Variants in SPARC observed in about 807,000 individuals in gnomAD.
SPARC encodes the protein secreted protein acidic and cysteine rich.
A neutral mutation model predicts 37.7 loss-of-function variants in SPARC; 23 were observed. The ratio of observed to expected loss-of-function variants is 0.61; its 90% CI spans 0.44 to 0.87. SPARC has a LOEUF of 0.87. SPARC is among the 40% of genes least tolerant of loss of function. The pLI is 0.00. For missense variants in SPARC, 312 were observed against 389.0 expected (o/e 0.80, Z 1.66); for synonymous variants, 155 against 150.8 (o/e 1.03, Z -0.20).
chr5:151,667,519 A>G lies in SPARC; in HGVS notation c.533T>C (p.Leu178Pro), dbSNP rs1760651137. Reference sequence around the variant, plus strand: ...GTTGTTGTCCTCATCCCTCTCATACAGGGTGACCAGGACGTTCTTGAGCCA... The same window carrying G: ...GTTGTTGTCCTCATCCCTCTCATACGGGGTGACCAGGACGTTCTTGAGCCA... ...RDWLKNVLVT[L>P]YERDEDNNLL... The change falls in exon 7 of 10, where the codon CTG (leucine) becomes CCG (proline). Residue 178 changes from leucine (L) to proline (P), a missense_variant. Coordinates refer to ENST00000231061, the MANE Select transcript of SPARC (RefSeq NM_003118.4). 1 of 1,614,192 alleles carries G rather than the reference A, an allele frequency of 6.2e-7. No individual in the cohort carries two copies. Among genetic ancestry groups the G allele is most frequent in the East Asian group, 2.2e-5 (1 of 44,888 alleles).
chr5:151,668,846 C>T (rs1033611696), intron 6 of SPARC, among the ~76,000 whole-genome samples: 24 of 152,162 alleles, frequency 1.6e-4, no homozygotes, highest in South Asian at 6.2e-4. Context: ...TGGGGTCCCA[C>T]GAGGAGAACT....
chr5:151,663,723 C>A, intron 9 of SPARC, 124 bp from the exon 10 acceptor site: 1 of 880,692 alleles, frequency 1.1e-6, no homozygotes, highest in Non-Finnish European at 1.9e-6. Flanking sequence ...TGCAAGGTCA[C>A]CCAGGAAGTC....
chr5:151,671,444 GGT>G, intron 5 of SPARC, 127 bp downstream of exon 5: 1 of 1,128,764 alleles, frequency 8.9e-7, no homozygotes, highest in East Asian at 2.7e-5. Flanking sequence ...GCTGGGACTA[GGT>G]CTAGCAAGGG....
intron 5 of SPARC, 142 bp downstream of exon 5, chr5:151,671,431 C>T (rs1760746547): frequency 3.0e-6 from 3 of 1,007,106 alleles, no homozygotes; most frequent in Admixed American, 2.6e-5. Flanking sequence ...TCCCCTCTTT[C>T]CTGCTGGGAC....
intron 7 of SPARC, among the ~76,000 whole-genome samples, chr5:151,666,956 G>A (rs1443065130): frequency 1.3e-5 from 2 of 152,174 alleles, no homozygotes; most frequent in Admixed American, 6.5e-5. Context: ...CCCAGGAGGT[G>A]GAGGTTGCAG....
At chr5:151,679,787 T>C (rs536871495) in intron 1 of SPARC, 32 of 152,306 alleles carry the variant, frequency 2.1e-4, no homozygotes, top group African/African-American at 6.7e-4. Flanking sequence ...AGGGCCTCCT[T>C]TGGGCTCTCC....
rs776054203 is a variant in SPARC at position 151,669,676 on chromosome 5, C to T, written c.439G>A (p.Gly147Arg). The T allele has an allele frequency of 1.9e-6, 3 of 1,614,128 alleles. No homozygotes were observed. Among genetic ancestry groups the T allele is most frequent in the South Asian group, 1.1e-5 (1 of 91,078 alleles). The change falls in exon 6 of 10, where the codon GGG becomes AGG. Residue 147 changes from glycine (G) to arginine (R), a missense_variant. Transcript: ENST00000231061. ...KGHKLHLDYIGPCKYIPPCLD... is the reference protein window; with the variant it reads ...KGHKLHLDYIRPCKYIPPCLD... Reference sequence around the variant, plus strand: ...CAAGGACACTCACATTTGCAAGGCCCGATGTAGTCCAGGTGGAGCTTGTGG... The same window carrying T: ...CAAGGACACTCACATTTGCAAGGCCTGATGTAGTCCAGGTGGAGCTTGTGG...
chr5:151,664,225 G>A lies in SPARC; in HGVS notation c.745C>T (p.His249Tyr). ...DQHPIDGYLS[H>Y]TELAPLRAPL... ...GCACGCAGTGGAGCCAGCTCGGTGT[G>A]GGAGAGGTACCTGCAGGGAAGGAGG... Residue 249 changes from histidine (H) to tyrosine (Y), a missense_variant, in exon 9 of 10, where the codon CAC (histidine) becomes TAC (tyrosine). Physicochemically the swap from His to Tyr is moderately conservative, Grantham distance 83. Transcript: ENST00000231061. 6.2e-7 allele frequency: 1 copy of A among 1,613,904 alleles called. No homozygotes were observed. Among genetic ancestry groups the A allele is most frequent in the Non-Finnish European group, 8.5e-7 (1 of 1,179,962 alleles).
chr5:151,667,503 C>T lies in SPARC; in HGVS notation c.549G>A (p.Glu183=), dbSNP rs1224925224. 6.2e-7 allele frequency: 1 copy of T among 1,614,200 alleles called. No homozygotes were observed. The highest frequency in any genetic ancestry group is 8.5e-7 in the Non-Finnish European group (1 of 1,180,022). Residue 183 remains glutamate (E), a synonymous_variant, in exon 7 of 10, where the codon GAG becomes GAA. Coordinates refer to ENST00000231061, the MANE Select transcript of SPARC (RefSeq NM_003118.4). ...GCTTCTCAGTCAGAAGGTTGTTGTC[C>T]TCATCCCTCTCATACAGGGTGACCA... is the stretch of plus-strand genomic sequence containing the variant. ...NVLVTLYERD[E]DNNLLTEKQK... is the part of the protein sequence containing the mutation.
rs1402503923 is a variant in SPARC, at chr5:151,667,452, A to G, written c.585+15T>C. On this transcript the variant is annotated intron_variant, in intron 7 of 9. Transcript: ENST00000231061. ...TCACCAGCACGGGGCCAGCAAGGCC[A>G]GAGAGACCACTTACCCGCAGCTTCT... 1.9e-6 allele frequency: 3 copies of G among 1,614,002 alleles called. No individual in the cohort carries two copies. Among genetic ancestry groups the G allele is most frequent in the Non-Finnish European group, 2.5e-6 (3 of 1,179,976 alleles).
chr5:151,671,466 G>A, intron 5 of SPARC, 107 bp downstream of exon 5: 1 of 1,344,906 alleles, frequency 7.4e-7, no homozygotes, highest in Non-Finnish European at 1.0e-6. Flanking sequence ...GGACTTCTGA[G>A]ACTGGCACTG....
chr5:151,677,655 C>A (rs984782283), intron 1 of SPARC, among the ~76,000 whole-genome samples: 3 of 152,152 alleles, frequency 2.0e-5, no homozygotes, highest in Admixed American at 6.5e-5. Flanking sequence ...TCTTAAGACA[C>A]CCCAAGCACA....
intron 6 of SPARC, among the ~76,000 whole-genome samples, chr5:151,668,159 T>TCC (rs3836865): frequency 6.8e-6 from 1 of 147,330 alleles, no homozygotes; most frequent in African/African-American, 2.5e-5. Context: ...TTTTTCTTCT[T>TCC]TTTTTTTTTT....
Position 151,671,612 on chromosome 5 carries a change from G to A in SPARC, c.291C>T (p.Asp97=). Residue 97 remains aspartate, a synonymous_variant, in exon 5 of 10, where the codon GAC becomes GAT. Transcript: ENST00000231061. ...CAATGGGGGCTGGGCAGCTGGTGGG[G>A]TCCTGGCACACGCACATGGGGGTGT... is the stretch of plus-strand genomic sequence containing the variant. The part of the protein sequence containing the change: ...ENNTPMCVCQ[D]PTSCPAPIGE... 6.3e-7 allele frequency: 1 copy of A among 1,599,534 alleles called. No individual in the cohort carries two copies. The highest frequency in any genetic ancestry group is 8.5e-7 in the Non-Finnish European group (1 of 1,172,850).
intron 2 of SPARC, among the ~76,000 whole-genome samples, 186 bp downstream of exon 2, chr5:151,675,946 T>C (rs1760846215): frequency 6.6e-6 from 1 of 152,122 alleles, no homozygotes; most frequent in South Asian, 2.1e-4. Context: ...TCTTCTCTGA[T>C]ACCTCCACCC....
intron 8 of SPARC, 113 bp from the exon 9 acceptor site, chr5:151,664,348 A>G: frequency 9.9e-7 from 1 of 1,012,240 alleles, no homozygotes; most frequent in Non-Finnish European, 1.5e-6. Flanking sequence ...GGATATTTAA[A>G]GCAGGACAAA....
chr5:151,667,634 C>A (rs1242518564), intron 6 of SPARC, 34 bp from the exon 7 acceptor site: 5 of 1,610,992 alleles, frequency 3.1e-6, no homozygotes, highest in East Asian at 2.2e-5. Flanking sequence ...TCAGCACAGA[C>A]CCTGCCTGGG....
At chr5:151,673,352 G>GT (rs1365555416) in intron 3 of SPARC, 136 bp from the exon 4 acceptor site, 3 of 699,114 alleles carry the variant, frequency 4.3e-6, no homozygotes, top group Non-Finnish European at 5.3e-6. Flanking sequence ...GGCCTGCTGT[G>GT]TTTTGCAGTA....
intron 2 of SPARC, among the ~76,000 whole-genome samples, chr5:151,675,421 T>C (rs1419238191): frequency 6.6e-6 from 1 of 152,184 alleles, no homozygotes; most frequent in Non-Finnish European, 1.5e-5. Context: ...GAACTGTCTG[T>C]CAATCAAGGG....
Sources: gnomAD v4.1 joint callset for allele counts (sites outside exome capture counted in the v4.1 genomes callset) on GRCh38, gnomAD v4.1.1 for gene constraint, MANE v1.5 for transcripts, NCBI Gene and HGNC (gene_info 2026-07-23, HGNC 2026-07-21) for gene names.